Variants in RBL1 observed in about 807,000 individuals in gnomAD.
RBL1 encodes the protein retinoblastoma-like protein 1.
In RBL1, 82 loss-of-function variants were observed where a neutral mutation model predicts 123.0. The ratio of observed to expected loss-of-function variants is 0.67; its 90% CI spans 0.56 to 0.80. RBL1 has a LOEUF of 0.80. RBL1 is among the 30% of genes least tolerant of loss of function. The pLI is 0.00. For synonymous variants in RBL1, 405 were observed against 441.3 expected (o/e 0.92, Z 1.03); for missense variants, 1,171 against 1,299.6 (o/e 0.90, Z 1.52).
chr20:37,086,922 A>G (rs962610009), intron 2 of RBL1, among the ~76,000 whole-genome samples: 1 of 152,258 alleles, frequency 6.6e-6, no homozygotes, highest in South Asian at 2.1e-4. Flanking sequence ...ACATGCCATC[A>G]TCAGATGTGA....
At chr20:37,020,341 C>T (rs1445125888) in intron 18 of RBL1, among the ~76,000 whole-genome samples, 1 of 152,032 alleles carries the variant, frequency 6.6e-6, no homozygotes, top group East Asian at 1.9e-4. Flanking sequence ...CACCTGCCTC[C>T]ACCTCCCAAA....
intron 19 of RBL1, among the ~76,000 whole-genome samples, chr20:37,017,429 T>C (rs1432887686): frequency 1.3e-5 from 2 of 150,970 alleles, no homozygotes; most frequent in Non-Finnish European, 3.0e-5. Context: ...CTGAAATACA[T>C]GGAAAGATGA....
rs371088211 is a variant in RBL1 at position 37,035,290 on chromosome 20, C to T, written c.2122G>A (p.Ala708Thr). ...TGTCCTGTTGTTCCTGTTACTGGGGCTGTGGCCATTGTTAGAAGAGTTTGA... is the reference window on the plus strand; with the variant it reads ...TGTCCTGTTGTTCCTGTTACTGGGGTTGTGGCCATTGTTAGAAGAGTTTGA... Reference protein sequence around the residue: ...PGQTLLTMATAPVTGTTGHKV... With the variant: ...PGQTLLTMATTPVTGTTGHKV... Residue 708 changes from alanine (A) to threonine (T), a missense_variant, in exon 15 of 22, where the codon GCC becomes ACC. By Grantham distance (58) the Ala-to-Thr change is moderately conservative (BLOSUM62 0). Transcript: ENST00000373664. The T allele has an allele frequency of 6.2e-7, 1 of 1,613,852 alleles. No homozygotes were observed. Among genetic ancestry groups the T allele is most frequent in the East Asian group, 2.2e-5 (1 of 44,872 alleles).
intron 11 of RBL1, 84 bp downstream of exon 11, chr20:37,055,469 C>T: frequency 1.3e-6 from 2 of 1,595,054 alleles, no homozygotes; most frequent in South Asian, 1.1e-5. Flanking sequence ...GTGACTCCCA[C>T]AACGCCTTAC....
At chr20:37,059,285 C>T (rs778359184) in intron 9 of RBL1, among the ~76,000 whole-genome samples, 1 of 152,168 alleles carries the variant, frequency 6.6e-6, no homozygotes, top group Non-Finnish European at 1.5e-5. Context: ...TTCTTGTATC[C>T]TGAAGGTTTG....
rs1301792536 is a variant in RBL1 at position 37,050,514 on chromosome 20, C to T, written c.1468-3324G>A. On this transcript the variant is annotated intron_variant, in intron 11 of 21. Coordinates refer to ENST00000373664, the MANE Select transcript of RBL1 (RefSeq NM_002895.5). ...GAGCTGAGATTGCACCACTGCACTC[C>T]AGTCTGGGTGGCAGAGCAAGACTCT... is the stretch of plus-strand genomic sequence containing the variant. Among the ~76,000 whole-genome samples the T allele has an allele frequency of 2.5e-5, 3 of 118,184 alleles. No individual in the cohort carries two copies. In the Admixed American group the frequency reaches 3.6e-4, roughly 14 times the overall value. The allele number at this position is 118,184 out of a possible 152,430, so 77.5% of individuals were successfully genotyped here.
At chr20:37,001,918 T>TAAAAAAAAAAAAAAAAAAAAAAAAAAAAA (rs757774894) in intron 21 of RBL1, among the ~76,000 whole-genome samples, 2 of 86,542 alleles carry the variant, frequency 2.3e-5, no homozygotes, top group Non-Finnish European at 4.4e-5. Flanking sequence ...TGCAGAACAA[T>TAAAAAAAAAAAAAAAAAAAAAAAAAAAAA]AAAAAAAAAA....
chr20:37,052,472 C>T (rs2064933418), intron 11 of RBL1, among the ~76,000 whole-genome samples: 1 of 152,222 alleles, frequency 6.6e-6, no homozygotes, highest in African/African-American at 2.4e-5. Context: ...GCTGGGATTG[C>T]AGGCGCCTGC....
chr20:37,034,526 T>C (rs868149484), intron 15 of RBL1, among the ~76,000 whole-genome samples: 5 of 151,672 alleles, frequency 3.3e-5, no homozygotes, highest in Admixed American at 6.6e-5. Context: ...GTACCACAAA[T>C]AGAAAAAATT....
intron 9 of RBL1, among the ~76,000 whole-genome samples, 173 bp from the exon 10 acceptor site, chr20:37,056,431 T>A (rs2065008616): frequency 6.8e-6 from 1 of 147,606 alleles, no homozygotes. Flanking sequence ...CTCAGTTCAC[T>A]GCAACCTCTT....
intron 9 of RBL1, among the ~76,000 whole-genome samples, chr20:37,058,061 G>A (rs1297530932): frequency 6.7e-6 from 1 of 149,798 alleles, no homozygotes; most frequent in Non-Finnish European, 1.5e-5. Context: ...GGAGGCGAAG[G>A]CTGCAGATCG....
chr20:37,059,093 T>G (rs1041473590), intron 9 of RBL1, among the ~76,000 whole-genome samples: 1 of 152,242 alleles, frequency 6.6e-6, no homozygotes, highest in South Asian at 2.1e-4. Context: ...CTTTTTCTTA[T>G]TGACATATTT....
intron 2 of RBL1, among the ~76,000 whole-genome samples, chr20:37,085,550 A>G (rs2065529225): frequency 6.6e-6 from 1 of 151,810 alleles, no homozygotes; most frequent in South Asian, 2.1e-4. Flanking sequence ...CGTTGTAACC[A>G]CTGTTAAGTC....
chr20:36,999,656 TG>T (rs1167874624), intron 21 of RBL1, among the ~76,000 whole-genome samples: 2 of 152,136 alleles, frequency 1.3e-5, no homozygotes, highest in African/African-American at 4.8e-5. Context: ...CACGCCTGAC[TG>T]GTTTTCGTAT....
Position 37,020,729 on chromosome 20 carries a change from A to G in RBL1, c.2561T>C (p.Val854Ala). The change falls in exon 18 of 22, where the codon GTA (valine) becomes GCA (alanine). Residue 854 changes from valine (V) to alanine (A), a missense_variant and splice_region_variant. Transcript: ENST00000373664. ...TTGAAAAGTTCTTTCTTCTTTTGTT[A>G]CCTAAGGAAAATAAAAACCGCATTT... is the stretch of plus-strand genomic sequence containing the variant. ...LLCAFYIMAK[V>A]TKEERTFQEI... 5 of 1,561,476 alleles carry G rather than the reference A, an allele frequency of 3.2e-6. No homozygotes were observed. In the South Asian group the frequency reaches 5.9e-5, roughly 18 times the overall value.
At chr20:37,011,180 A>G (rs2064142790) in intron 19 of RBL1, among the ~76,000 whole-genome samples, 1 of 152,182 alleles carries the variant, frequency 6.6e-6, no homozygotes, top group Non-Finnish European at 1.5e-5. Flanking sequence ...AAAGTTTTCA[A>G]TTAACTACAA....
chr20:37,056,213 T>G lies in RBL1; in HGVS notation c.1296A>C (p.Lys432Asn), dbSNP rs1361118744. Residue 432 changes from lysine to asparagine, a missense_variant, in exon 10 of 22, where the codon AAA becomes AAC. Physicochemically the swap from Lys to Asn is moderately conservative, Grantham distance 94. Transcript: ENST00000373664. Reference protein sequence around the residue: ...NPVENIMKILKGIGETFCQHY... With the variant: ...NPVENIMKILNGIGETFCQHY... ...GTTGACAGAAAGTCTCTCCTATTCCTTTTAGTATTTTCATAATGTTTTCCA... is the reference window on the plus strand; with the variant it reads ...GTTGACAGAAAGTCTCTCCTATTCCGTTTAGTATTTTCATAATGTTTTCCA... 1 of 1,610,758 alleles carries G rather than the reference T, an allele frequency of 6.2e-7. No homozygotes were observed. Among genetic ancestry groups the G allele is most frequent in the Non-Finnish European group, 8.5e-7 (1 of 1,179,662 alleles).
rs566633899 is a variant in RBL1, at chr20:36,997,448, T to C, written c.*1311A>G. ...GAAACTCATGATGCACTAACAATACTGAGAACAAAGTGTGGGAAGTAATAA... is the reference window on the plus strand; with the variant it reads ...GAAACTCATGATGCACTAACAATACCGAGAACAAAGTGTGGGAAGTAATAA... On this transcript the variant is annotated 3_prime_UTR_variant, in exon 22 of 22. Coordinates refer to ENST00000373664, the MANE Select transcript of RBL1 (RefSeq NM_002895.5). 10 of 152,098 alleles carry C rather than the reference T, an allele frequency of 6.6e-5. No individual in the cohort carries two copies. The highest frequency in any genetic ancestry group is 5.9e-5 in the Non-Finnish European group (4 of 68,020). 9.4% of individuals were successfully genotyped at this position (152,098 alleles called of 1,614,324 possible).
intron 8 of RBL1, among the ~76,000 whole-genome samples, 173 bp from the exon 9 acceptor site, chr20:37,061,442 T>C (rs1403967355): frequency 6.6e-6 from 1 of 152,228 alleles, no homozygotes; most frequent in African/African-American, 2.4e-5. Context: ...AAAAGCACTT[T>C]CTACATATAA....
Sources: gnomAD v4.1 joint callset for allele counts (sites outside exome capture counted in the v4.1 genomes callset) on GRCh38, gnomAD v4.1.1 for gene constraint, MANE v1.5 for transcripts, NCBI Gene and HGNC (gene_info 2026-07-23, HGNC 2026-07-21) for gene names.